The following CPNE4 variants were observed in gnomAD, a reference collection of about 807,000 sequenced individuals.
CPNE4 encodes copine-4.
Under a neutral mutation model 67.9 loss-of-function variants are expected in CPNE4, and 25 were observed. The observed-to-expected ratio is 0.37, with a 90% CI of 0.27 to 0.51. The LOEUF is 0.51. Ranked by LOEUF, CPNE4 falls within the 20% of genes least tolerant of loss-of-function variation. The probability of loss-of-function intolerance (pLI) is 0.93; values close to 1 mark genes in which losing one functional copy is unlikely to be tolerated. For synonymous variants in CPNE4, 242 were observed against 244.9 expected (o/e 0.99, Z 0.11); for missense variants, 464 against 690.8 (o/e 0.67, Z 3.68).
At chr3:131,658,631 G>C (rs1272419440) in intron 7 of CPNE4, among the ~76,000 whole-genome samples, 1 of 152,224 alleles carries the variant, frequency 6.6e-6, no homozygotes, top group East Asian at 1.9e-4. Context: ...ACTGCAGACA[G>C]GTGGGGTCTT....
intron 2 of CPNE4, among the ~76,000 whole-genome samples, chr3:131,758,408 T>C (rs933073235): frequency 2.0e-5 from 3 of 152,162 alleles, no homozygotes; most frequent in African/African-American, 7.2e-5. Context: ...CTGTAACGTC[T>C]TGTTTTGGCC....
At chr3:131,903,104 C>T (rs542540771) in intron 2 of CPNE4, among the ~76,000 whole-genome samples, 5 of 152,160 alleles carry the variant, frequency 3.3e-5, no homozygotes, top group South Asian at 2.1e-4. Context: ...TGCTGACTCT[C>T]GGGTCTTTTG....
At chr3:131,876,835 C>T (rs1313671387) in intron 2 of CPNE4, among the ~76,000 whole-genome samples, 2 of 152,052 alleles carry the variant, frequency 1.3e-5, no homozygotes, top group Non-Finnish European at 2.9e-5. Flanking sequence ...ACAGCAAATG[C>T]TCCCTAAATC....
chr3:131,784,504 T>G (rs902665507), intron 2 of CPNE4, among the ~76,000 whole-genome samples: 4 of 152,086 alleles, frequency 2.6e-5, no homozygotes, highest in Admixed American at 2.6e-4. Flanking sequence ...GGAGGCAGCC[T>G]GCAAGTGTGG....
chr3:131,772,558 G>C (rs1244070469), intron 2 of CPNE4, among the ~76,000 whole-genome samples: 2 of 152,102 alleles, frequency 1.3e-5, no homozygotes, highest in African/African-American at 4.8e-5. Context: ...AGTGTAAGAA[G>C]CCATAATTTC....
At chr3:131,658,134 T>TG (rs2080026308) in intron 7 of CPNE4, among the ~76,000 whole-genome samples, 1 of 132,758 alleles carries the variant, frequency 7.5e-6, no homozygotes, top group African/African-American at 3.0e-5. Context: ...TATTTATTTT[T>TG]GTTTTTTGTA....
chr3:131,904,258 G>A (rs975024380), intron 2 of CPNE4, among the ~76,000 whole-genome samples: 6 of 152,002 alleles, frequency 3.9e-5, no homozygotes, highest in African/African-American at 1.4e-4. Flanking sequence ...GAGCTTGTAG[G>A]CCCCCAGCCC....
chr3:131,793,521 C>T (rs1429437309), intron 2 of CPNE4, among the ~76,000 whole-genome samples: 1 of 152,158 alleles, frequency 6.6e-6, no homozygotes, highest in Non-Finnish European at 1.5e-5. Flanking sequence ...TGGGCACCAC[C>T]CTAGACTAGT....
intron 7 of CPNE4, among the ~76,000 whole-genome samples, chr3:131,606,239 G>C (rs1939494603): frequency 6.6e-6 from 1 of 152,198 alleles, no homozygotes; most frequent in African/African-American, 2.4e-5. Context: ...TGATTACTAT[G>C]TATTTCTAAC....
At chr3:132,001,095 ATATTGTAGATG>A (rs960051388) in intron 1 of CPNE4, among the ~76,000 whole-genome samples, 2 of 152,030 alleles carry the variant, frequency 1.3e-5, no homozygotes, top group African/African-American at 4.8e-5. Context: ...TCTACTCTTC[ATATTGTAGATG>A]CAAGAGTTAC....
At position 131,987,490 on chromosome 3, in the gene CPNE4, G is replaced by A. The variant is rs188665917; in HGVS notation, c.-2+47077C>T. The stretch of plus-strand genomic sequence containing the variant: ...TAACCTCCGTCTCCCAGGTTCAAGC[G>A]ATTCTCCTGCCTCAGCCTCCTGAGT... On this transcript the variant is annotated intron_variant, in intron 1 of 15. Transcript: ENST00000429747. Among the ~76,000 whole-genome samples the A allele has an allele frequency of 8.6e-5, 13 of 151,338 alleles. 1 individual carries two copies. The highest frequency in any genetic ancestry group is 5.8e-4 in the East Asian group (3 of 5,150).
chr3:131,539,735 A>G lies in CPNE4; in HGVS notation c.1539+2822T>C, dbSNP rs529972704. Among the ~76,000 whole-genome samples, 11 of 152,230 alleles carry G rather than the reference A, an allele frequency of 7.2e-5. 1 individual carries two copies. The East Asian group carries it at 2.1e-3, about 30-fold the overall frequency. ...GGGGATGCAGAGGGGAGAGAGGGTG[A>G]TTTGGGGAAGTTAATGAATCTCCTA... On this transcript the variant is annotated intron_variant, in intron 15 of 15. Transcript: ENST00000429747.
upstream of CPNE4, among the ~76,000 whole-genome samples, chr3:132,039,295 G>A (rs540152236): frequency 6.6e-6 from 1 of 152,278 alleles, no homozygotes; most frequent in South Asian, 2.1e-4. Flanking sequence ...CTACCTGAAG[G>A]TTACAGTAAG....
chr3:131,618,830 G>A (rs142332519), intron 7 of CPNE4, among the ~76,000 whole-genome samples: 15 of 152,196 alleles, frequency 9.9e-5, no homozygotes, highest in Non-Finnish European at 1.9e-4. Context: ...CATGACTACC[G>A]GCTGACTGAA....
At chr3:131,731,471 G>A (rs2107761354) in intron 2 of CPNE4, among the ~76,000 whole-genome samples, 1 of 152,286 alleles carries the variant, frequency 6.6e-6, no homozygotes, top group Non-Finnish European at 1.5e-5. Context: ...TGCCTGATTT[G>A]CCACAGAAGC....
In CPNE4 at chr3:131,907,904, A is replaced by C. The variant is rs527275444; in HGVS notation, c.-1-2460T>G. Among the ~76,000 whole-genome samples the C allele has an allele frequency of 5.0e-4, 76 of 152,244 alleles. 1 individual carries two copies. Among genetic ancestry groups the C allele is most frequent in the African/African-American group, 1.8e-3 (73 of 41,564 alleles). On this transcript the variant is annotated intron_variant, in intron 1 of 15. Transcript: ENST00000429747. Reference sequence around the variant, plus strand: ...TTGGGAAATTAGTTTTAGGATGAGAACTGCTCTATCTTCTACCAAAGTGAA... The same window carrying C: ...TTGGGAAATTAGTTTTAGGATGAGACCTGCTCTATCTTCTACCAAAGTGAA...
rs147850022 is a variant in CPNE4, at chr3:131,856,697, C to T, written c.180+48567G>A. ...ACAAAAGGACTTTCCAAGCATGATC[C>T]TTCCTGGCTAACAATAAAAATTATT... On this transcript the variant is annotated intron_variant, in intron 2 of 15. Transcript: ENST00000429747. Among the ~76,000 whole-genome samples, 9 of 152,068 alleles carry T rather than the reference C, an allele frequency of 5.9e-5. No homozygotes were observed. The East Asian group carries it at 1.5e-3, about 26-fold the overall frequency.
chr3:131,589,524 A>T (rs867613427), intron 7 of CPNE4, among the ~76,000 whole-genome samples: 4 of 152,176 alleles, frequency 2.6e-5, no homozygotes, highest in Admixed American at 2.0e-4. Context: ...CACTGACTCA[A>T]ATGGCAGTCT....
At chr3:131,656,922 A>G (rs2079985853) in intron 7 of CPNE4, among the ~76,000 whole-genome samples, 1 of 152,172 alleles carries the variant, frequency 6.6e-6, no homozygotes, top group African/African-American at 2.4e-5. Context: ...AATTTCAGGC[A>G]TATATCAGGA....
Sources: gnomAD v4.1 joint callset for allele counts (sites outside exome capture counted in the v4.1 genomes callset) on GRCh38, gnomAD v4.1.1 for gene constraint, MANE v1.5 for transcripts, NCBI Gene and HGNC (gene_info 2026-07-23, HGNC 2026-07-21) for gene names.